Variants in CEP63 observed in about 807,000 individuals in gnomAD.
CEP63 encodes centrosomal protein 63, also known as centrosomal protein of 63 kDa.
A neutral mutation model predicts 89.1 loss-of-function variants in CEP63; 84 were observed. The observed-to-expected ratio is 0.94, with a 90% confidence interval of 0.79 to 1.13. The LOEUF is 1.13. Ranked by LOEUF, CEP63 falls within the 50% of genes most tolerant of loss-of-function variation. CEP63 has a pLI of 0.00. For missense variants in CEP63, 838 were observed against 813.3 expected, an observed-to-expected ratio of 1.03 and a Z score of -0.37; for synonymous variants, 267 against 272.5, an observed-to-expected ratio of 0.98 and a Z score of 0.20.
the CEP63 span, among the ~76,000 whole-genome samples, chr3:134,644,283 G>A: frequency 2.0e-5 from 3 of 152,230 alleles, no homozygotes; most frequent in African/African-American, 4.8e-5. Flanking sequence ...TTCTGTCCCT[G>A]GGACACAGAG....
the CEP63 span, among the ~76,000 whole-genome samples, chr3:134,683,876 C>T: frequency 6.6e-6 from 1 of 152,078 alleles, no homozygotes; most frequent in Non-Finnish European, 1.5e-5. Flanking sequence ...GTTGGGGTCA[C>T]CTGCCCACTC....
the CEP63 span, among the ~76,000 whole-genome samples, chr3:134,609,207 C>T: frequency 2.6e-5 from 4 of 152,196 alleles, no homozygotes; most frequent in Non-Finnish European, 5.9e-5. Flanking sequence ...TGCTTGAATT[C>T]ACTGCCTCCA....
At chr3:134,619,491 C>T in the CEP63 span, among the ~76,000 whole-genome samples, 2 of 152,234 alleles carry the variant, frequency 1.3e-5, no homozygotes, top group Admixed American at 6.5e-5. Flanking sequence ...CTCCCCAAGC[C>T]TCTGAGGAGG....
chr3:134,652,647 C>G, the CEP63 span, among the ~76,000 whole-genome samples: 1 of 145,368 alleles, frequency 6.9e-6, no homozygotes, highest in African/African-American at 2.5e-5. Flanking sequence ...TACACACACA[C>G]ACACACACAC....
At chr3:134,778,864 G>A in the CEP63 span, among the ~76,000 whole-genome samples, 1 of 152,074 alleles carries the variant, frequency 6.6e-6, no homozygotes, top group African/African-American at 2.4e-5. Context: ...GGCCATTTTT[G>A]CTGTTTTAAG....
chr3:134,771,982 C>A, the CEP63 span, among the ~76,000 whole-genome samples: 1 of 152,276 alleles, frequency 6.6e-6, no homozygotes, highest in African/African-American at 2.4e-5. Flanking sequence ...TATTCTGTAT[C>A]CCCGGCTTGG....
intron 3 of CEP63, among the ~76,000 whole-genome samples, chr3:134,530,889 C>T (rs1352609915): frequency 6.6e-6 from 1 of 152,184 alleles, no homozygotes; most frequent in African/African-American, 2.4e-5. Context: ...ATTGTTTACT[C>T]CCTTGTGTTC....
At chr3:134,682,777 G>A in the CEP63 span, among the ~76,000 whole-genome samples, 1 of 152,286 alleles carries the variant, frequency 6.6e-6, no homozygotes, top group East Asian at 1.9e-4. Flanking sequence ...CCACTACTCA[G>A]AGGAAGGTAC....
chr3:134,765,017 A>G, the CEP63 span, among the ~76,000 whole-genome samples: 1 of 152,188 alleles, frequency 6.6e-6, no homozygotes, highest in Non-Finnish European at 1.5e-5. Flanking sequence ...GAGGAGCATC[A>G]GAACCACCTG....
chr3:134,549,828 T>C (rs961389783), intron 10 of CEP63, among the ~76,000 whole-genome samples: 13 of 152,212 alleles, frequency 8.5e-5, no homozygotes, highest in African/African-American at 3.1e-4. Flanking sequence ...TCCTCAGCAC[T>C]TGAATAACCC....
intron 2 of CEP63, among the ~76,000 whole-genome samples, chr3:134,506,293 C>A (rs1299134953): frequency 1.3e-5 from 2 of 152,160 alleles, no homozygotes; most frequent in African/African-American, 2.4e-5. Flanking sequence ...GAAAGGTGGG[C>A]AGAAATAGTT....
At chr3:134,735,144 T>A in the CEP63 span, among the ~76,000 whole-genome samples, 1 of 152,168 alleles carries the variant, frequency 6.6e-6, no homozygotes, top group African/African-American at 2.4e-5. Flanking sequence ...CTAAGCTTTT[T>A]AAAAAAATCC....
At chr3:134,513,990 C>A (rs991003167) in intron 3 of CEP63, among the ~76,000 whole-genome samples, 1 of 151,874 alleles carries the variant, frequency 6.6e-6, no homozygotes, top group African/African-American at 2.4e-5. Flanking sequence ...ACAACAAAGA[C>A]CAGGAGACAA....
the CEP63 span, chr3:134,603,373 GC>G: frequency 8.0e-6 from 4 of 500,460 alleles, no homozygotes; most frequent in Non-Finnish European, 1.4e-5. Context: ...CACTGCCTCT[GC>G]CCCCTCAGTC....
the CEP63 span, among the ~76,000 whole-genome samples, chr3:134,681,992 G>A: frequency 1.3e-5 from 2 of 152,200 alleles, no homozygotes; most frequent in African/African-American, 4.8e-5. Flanking sequence ...GCCATCTGAA[G>A]AGTTTGTGCC....
At chr3:134,531,593 A>G (rs80310321) in intron 3 of CEP63, among the ~76,000 whole-genome samples, 226 of 152,318 alleles carry the variant, frequency 1.5e-3, no homozygotes, top group Non-Finnish European at 2.4e-3. Flanking sequence ...AAAGAAAAAA[A>G]GAAAAAGAGA....
At chr3:134,608,093 G>T in the CEP63 span, 2 of 1,120,854 alleles carry the variant, frequency 1.8e-6, no homozygotes, top group South Asian at 4.4e-5. Flanking sequence ...CCTGTCCTGG[G>T]AGACCCATGT....
the CEP63 span, among the ~76,000 whole-genome samples, chr3:134,777,152 A>G: frequency 1.3e-4 from 20 of 152,344 alleles, no homozygotes; most frequent in East Asian, 3.5e-3. Context: ...AAAAAGGCAC[A>G]TGTTTTGTAT....
the CEP63 span, among the ~76,000 whole-genome samples, chr3:134,729,166 C>A: frequency 7.3e-4 from 111 of 152,218 alleles, no homozygotes; most frequent in East Asian, 0.021. Flanking sequence ...CAAAACGATA[C>A]AAAATGGTAT....
Sources: allele counts gnomAD v4.1 joint callset (sites outside exome capture counted in the v4.1 genomes callset), GRCh38; gene constraint gnomAD v4.1.1; transcripts MANE v1.5; gene names NCBI Gene and HGNC (gene_info 2026-07-23, HGNC 2026-07-21).